The following REV1 variants were observed in gnomAD, a reference collection of about 807,000 sequenced individuals.
The protein encoded by REV1 is translesion synthesis protein REV1.
A neutral mutation model predicts 137.4 loss-of-function variants in REV1; 42 were observed. That is an observed-to-expected ratio of 0.31 (90% CI 0.24 to 0.40). REV1 has a LOEUF of 0.40. Among genes scored for constraint, REV1 ranks in the 10% least tolerant of loss-of-function variants. The pLI, the probability that REV1 is intolerant of heterozygous loss-of-function variation, is 1.00. For missense variants in REV1, 1,282 were observed against 1,490.1 expected, an observed-to-expected ratio of 0.86 and a Z score of 2.30; for synonymous variants, 524 against 519.2, an observed-to-expected ratio of 1.01 and a Z score of -0.12.
intron 19 of REV1, 42 bp from the exon 20 acceptor site, chr2:99,403,148 AT>A: frequency 1.4e-6 from 2 of 1,445,826 alleles, no homozygotes; most frequent in Middle Eastern, 1.9e-4. Context: ...AAATGATAGT[AT>A]GGATAGTCTG....
intron 22 of REV1, 106 bp downstream of exon 22, chr2:99,402,133 TCATTA>T (rs1675548410): frequency 1.7e-6 from 1 of 578,332 alleles, no homozygotes; most frequent in East Asian, 3.1e-5. Context: ...TATCACTTTC[TCATTA>T]ACCCTAATGA....
intron 3 of REV1, among the ~76,000 whole-genome samples, chr2:99,454,883 T>C (rs910880978): frequency 2.0e-5 from 3 of 152,194 alleles, no homozygotes; most frequent in Non-Finnish European, 4.4e-5. Flanking sequence ...AAAAGCCATA[T>C]ACAAGGACCA....
intron 1 of REV1, among the ~76,000 whole-genome samples, chr2:99,481,875 A>T (rs942073813): frequency 1.3e-5 from 2 of 152,094 alleles, no homozygotes; most frequent in African/African-American, 2.4e-5. Flanking sequence ...AAAACAAAAA[A>T]ATTTGACTGG....
At chr2:99,432,318 T>G (rs189935640) in intron 8 of REV1, among the ~76,000 whole-genome samples, 5 of 152,032 alleles carry the variant, frequency 3.3e-5, no homozygotes, top group Non-Finnish European at 7.4e-5. Flanking sequence ...AGCCAAACAT[T>G]AGAACTGATC....
At chr2:99,448,823 T>A (rs1431093730) in intron 4 of REV1, among the ~76,000 whole-genome samples, 1 of 152,170 alleles carries the variant, frequency 6.6e-6, no homozygotes, top group Non-Finnish European at 1.5e-5. Flanking sequence ...TCCTGACACT[T>A]TCCTGAGTCA....
chr2:99,460,146 G>C (rs530571221), intron 3 of REV1, among the ~76,000 whole-genome samples: 2 of 152,012 alleles, frequency 1.3e-5, no homozygotes, highest in Non-Finnish European at 2.9e-5. Flanking sequence ...GCGCAATCTC[G>C]GCTCACTTCA....
intron 10 of REV1, 126 bp downstream of exon 10, chr2:99,424,015 ATGCTGAGGAGT>A: frequency 2.3e-6 from 2 of 879,266 alleles, no homozygotes; most frequent in Non-Finnish European, 3.4e-6. Context: ...TCAAACTGGG[ATGCTGAGGAGT>A]GGTTCCTGGA....
At chr2:99,449,607 C>A in intron 3 of REV1, 103 bp from the exon 4 acceptor site, 1 of 513,934 alleles carries the variant, frequency 1.9e-6, no homozygotes, top group South Asian at 8.2e-5. Context: ...GTCATTGGTT[C>A]ACCTTCTCCT....
At chr2:99,488,891 G>A (rs1159760552) in intron 1 of REV1, among the ~76,000 whole-genome samples, 1 of 152,228 alleles carries the variant, frequency 6.6e-6, no homozygotes. Context: ...AGCCCTTGTT[G>A]TGCTATGTGC....
At chr2:99,425,080 G>A (rs2104638962) in intron 9 of REV1, among the ~76,000 whole-genome samples, 1 of 152,048 alleles carries the variant, frequency 6.6e-6, no homozygotes, top group South Asian at 2.1e-4. Context: ...AAATAATAAA[G>A]CAATGTTTCA....
In REV1 at chr2:99,421,571, G is replaced by C; in HGVS notation, c.1759C>G (p.Pro587Ala). The C allele has an allele frequency of 6.2e-7, 1 of 1,614,096 alleles. No individual in the cohort carries two copies. The highest frequency in any genetic ancestry group is 8.5e-7 in the Non-Finnish European group (1 of 1,179,990). ...TEILAETKLT[P>A]DEFANAVRME... ...CGAACAGCATTTGCAAATTCATCAG[G>C]AGTAAGTTTGGTCTCTGCAAGGATT... The change falls in exon 11 of 23, where the codon CCT becomes GCT. Residue 587 changes from proline (P) to alanine (A), a missense_variant. Physicochemically the swap from Pro to Ala is conservative, Grantham distance 27 (BLOSUM62 -1). This residue lies in a region of REV1 where 372 missense variants were observed against 482.3 expected (regional missense o/e 0.77). Transcript: ENST00000258428.
At chr2:99,407,921 CTACATA>C (rs1157451931) in intron 15 of REV1, 102 bp downstream of exon 15, 6 of 533,630 alleles carry the variant, frequency 1.1e-5, no homozygotes, top group Non-Finnish European at 1.9e-5. Context: ...AGCTAAAGAC[CTACATA>C]TAAAGTCCCT....
chr2:99,451,235 T>G, intron 3 of REV1: 1 of 617,004 alleles, frequency 1.6e-6, no homozygotes. Flanking sequence ...GTAACTTTCC[T>G]AAACTAATTC....
chr2:99,479,950 G>T (rs1447012951), intron 1 of REV1, among the ~76,000 whole-genome samples: 1 of 152,136 alleles, frequency 6.6e-6, no homozygotes, highest in Non-Finnish European at 1.5e-5. Flanking sequence ...TTACAGGATA[G>T]AAGGTAGGAT....
intron 13 of REV1, 135 bp downstream of exon 13, chr2:99,412,596 T>C (rs1677330032): frequency 2.9e-6 from 2 of 699,154 alleles, no homozygotes; most frequent in South Asian, 3.7e-5. Context: ...TAAAAGGCCT[T>C]CTTAAGGCTC....
chr2:99,481,242 A>C (rs1686576246), intron 1 of REV1, among the ~76,000 whole-genome samples: 1 of 152,254 alleles, frequency 6.6e-6, no homozygotes, highest in African/African-American at 2.4e-5. Flanking sequence ...TACAAATTCA[A>C]GACCAATACC....
intron 1 of REV1, among the ~76,000 whole-genome samples, chr2:99,468,580 C>T (rs1000777545): frequency 1.4e-4 from 21 of 152,216 alleles, no homozygotes; most frequent in African/African-American, 5.1e-4. Flanking sequence ...GGAACTCTTG[C>T]AGACCAGGCT....
chr2:99,478,448 C>A (rs1197849841), intron 1 of REV1, among the ~76,000 whole-genome samples: 3 of 152,000 alleles, frequency 2.0e-5, no homozygotes, highest in African/African-American at 7.3e-5. Context: ...CGAAGGAACA[C>A]AAAAGAATGT....
intron 21 of REV1, 74 bp downstream of exon 21, chr2:99,402,570 T>G: frequency 1.4e-6 from 2 of 1,399,234 alleles, no homozygotes; most frequent in Admixed American, 2.0e-5. Flanking sequence ...CTGCATAGTT[T>G]AGTCTGTTTA....
Sources: gnomAD v4.1 joint callset for allele counts (sites outside exome capture counted in the v4.1 genomes callset) on GRCh38, gnomAD v4.1.1 for gene constraint, gnomAD v4.1.1 regional missense constraint, MANE v1.5 for transcripts, NCBI Gene and HGNC (gene_info 2026-07-23, HGNC 2026-07-21) for gene names.